The following MAF variants were observed in gnomAD, a reference collection of about 807,000 sequenced individuals.
The protein encoded by MAF is transcription factor Maf.
A neutral mutation model predicts 22.0 loss-of-function variants in MAF; 10 were observed. The ratio of observed to expected loss-of-function variants is 0.45; its 90% CI spans 0.28 to 0.77. MAF has a LOEUF of 0.77. MAF is among the 30% of genes least tolerant of loss of function. The pLI is 0.12. For missense variants in MAF, 544 were observed against 548.4 expected (o/e 0.99, Z 0.08); for synonymous variants, 337 against 255.8 (o/e 1.32, Z -3.03).
chr16:79,236,989 T>C, the MAF span, among the ~76,000 whole-genome samples: 1 of 151,584 alleles, frequency 6.6e-6, no homozygotes, highest in African/African-American at 2.4e-5. Context: ...ATAATGCTTA[T>C]GAGTTGGTTT....
chr16:79,236,304 C>G, the MAF span, among the ~76,000 whole-genome samples: 1 of 151,984 alleles, frequency 6.6e-6, no homozygotes, highest in Non-Finnish European at 1.5e-5. Context: ...CAGTCTGTGT[C>G]CTCTACCTGG....
chr16:79,548,872 C>A, the MAF span, among the ~76,000 whole-genome samples: 1 of 152,130 alleles, frequency 6.6e-6, no homozygotes, highest in Non-Finnish European at 1.5e-5. Context: ...CTTCTTGCCT[C>A]TGCTCCTTAA....
chr16:79,331,121 A>T, the MAF span, among the ~76,000 whole-genome samples: 1 of 152,292 alleles, frequency 6.6e-6, no homozygotes, highest in South Asian at 2.1e-4. Flanking sequence ...TTTATTCCTA[A>T]CTCAGCAAGT....
At chr16:79,596,639 A>G (rs1028002426) in intron 1 of MAF, 5 of 1,039,652 alleles carry the variant, frequency 4.8e-6, no homozygotes, top group Non-Finnish European at 5.8e-6. Flanking sequence ...AAAGTAACTG[A>G]CAAGATTTTT....
chr16:79,257,639 C>G, the MAF span, among the ~76,000 whole-genome samples: 9 of 152,162 alleles, frequency 5.9e-5, no homozygotes, highest in Admixed American at 2.0e-4. Flanking sequence ...TTGGGCATCT[C>G]ATCTAGAAAA....
chr16:79,455,692 T>C, the MAF span, among the ~76,000 whole-genome samples: 3 of 152,342 alleles, frequency 2.0e-5, no homozygotes, highest in Non-Finnish European at 2.9e-5. Flanking sequence ...TGAGCAAATA[T>C]TAGCCCTGAA....
chr16:79,409,938 G>A, the MAF span, among the ~76,000 whole-genome samples: 494 of 152,326 alleles, frequency 3.2e-3, no homozygotes, highest in African/African-American at 0.011. Flanking sequence ...AATTGTTAAA[G>A]TGAACTAAAT....
the MAF span, among the ~76,000 whole-genome samples, chr16:79,337,699 C>A: frequency 1.4e-4 from 22 of 152,306 alleles, 1 homozygote; most frequent in African/African-American, 5.3e-4. Flanking sequence ...CTCACACACA[C>A]AAACACAATA....
At chr16:79,219,906 A>C in the MAF span, among the ~76,000 whole-genome samples, 1 of 152,224 alleles carries the variant, frequency 6.6e-6, no homozygotes, top group Non-Finnish European at 1.5e-5. Flanking sequence ...GGTTATATAA[A>C]AAGTTGTATC....
chr16:79,211,790 C>A, the MAF span: 5 of 1,614,098 alleles, frequency 3.1e-6, no homozygotes, highest in Non-Finnish European at 3.4e-6. Flanking sequence ...GCAGCCAGTC[C>A]GGCTAAGTGG....
chr16:79,303,681 T>A, the MAF span, among the ~76,000 whole-genome samples: 1 of 152,196 alleles, frequency 6.6e-6, no homozygotes, highest in East Asian at 1.9e-4. Flanking sequence ...TCAGGAGTAC[T>A]GTGTTGAGAA....
the MAF span, among the ~76,000 whole-genome samples, chr16:79,339,045 T>G: frequency 6.6e-6 from 1 of 151,904 alleles, no homozygotes; most frequent in East Asian, 1.9e-4. Context: ...GGCTTTTTAA[T>G]TTTTTATTTT....
chr16:79,516,531 T>G, the MAF span, among the ~76,000 whole-genome samples: 2 of 152,306 alleles, frequency 1.3e-5, no homozygotes, highest in South Asian at 4.1e-4. Context: ...AAGCTAGTAA[T>G]AGATGTAGTA....
the MAF span, among the ~76,000 whole-genome samples, chr16:79,496,298 C>T: frequency 8.5e-4 from 130 of 152,212 alleles, 1 homozygote; most frequent in Admixed American, 2.1e-3. Context: ...AGGGTCATTT[C>T]GGAAGATTGC....
chr16:79,336,423 G>A, the MAF span, among the ~76,000 whole-genome samples: 3 of 152,060 alleles, frequency 2.0e-5, no homozygotes, highest in Admixed American at 2.0e-4. Context: ...AGCTTCACTG[G>A]CAAATCTGTG....
the MAF span, among the ~76,000 whole-genome samples, chr16:79,286,214 G>A: frequency 0.055 from 8,361 of 152,126 alleles, 773 homozygotes; most frequent in African/African-American, 0.19. Context: ...TTTAAAAACC[G>A]TTTAGAATTT....
chr16:79,451,230 T>C, the MAF span, among the ~76,000 whole-genome samples: 4 of 152,240 alleles, frequency 2.6e-5, no homozygotes, highest in African/African-American at 9.6e-5. Context: ...TTGTGCTAAC[T>C]GGAAAAGGGT....
the MAF span, among the ~76,000 whole-genome samples, chr16:79,320,879 C>T: frequency 6.6e-6 from 1 of 152,136 alleles, no homozygotes; most frequent in African/African-American, 2.4e-5. Flanking sequence ...GCAGGAGGTA[C>T]TGTTTTTATT....
chr16:79,387,775 C>G, the MAF span, among the ~76,000 whole-genome samples: 2 of 152,058 alleles, frequency 1.3e-5, no homozygotes, highest in Non-Finnish European at 2.9e-5. Flanking sequence ...ACTGTAGCAA[C>G]CTAAATAACA....
Sources: gnomAD v4.1 joint callset for allele counts (sites outside exome capture counted in the v4.1 genomes callset) on GRCh38, gnomAD v4.1.1 for gene constraint, MANE v1.5 for transcripts, NCBI Gene and HGNC (gene_info 2026-07-23, HGNC 2026-07-21) for gene names.